The following PLCB4 variants were observed in gnomAD, a reference collection of about 807,000 sequenced individuals.
PLCB4 encodes 1-phosphatidylinositol 4,5-bisphosphate phosphodiesterase beta-4.
In PLCB4, 77 loss-of-function variants were observed where a neutral mutation model predicts 178.8. The observed-to-expected ratio is 0.43, with a 90% confidence interval of 0.36 to 0.52. The LOEUF is 0.52. Ranked by LOEUF, PLCB4 falls within the 20% of genes least tolerant of loss-of-function variation. The pLI is 0.00. For synonymous variants in PLCB4, 496 were observed against 490.8 expected (o/e 1.01, Z -0.14); for missense variants, 1,024 against 1,453.4 (o/e 0.70, Z 4.80).
chr20:9,339,349 A>C (rs1263933239), intron 7 of PLCB4, among the ~76,000 whole-genome samples: 1 of 152,070 alleles, frequency 6.6e-6, no homozygotes, highest in Admixed American at 6.6e-5. Flanking sequence ...AATAGGTCTG[A>C]GGTGGGGACA....
intron 3 of PLCB4, among the ~76,000 whole-genome samples, chr20:9,266,671 C>T (rs2094352608): frequency 6.6e-6 from 1 of 152,030 alleles, no homozygotes. Flanking sequence ...AGTCTGACTC[C>T]CTATAGTACT....
chr20:9,295,738 C>T (rs370669086), intron 3 of PLCB4, among the ~76,000 whole-genome samples: 23 of 152,156 alleles, frequency 1.5e-4, no homozygotes, highest in South Asian at 1.2e-3. Context: ...TGTAGATATG[C>T]GGCATTATTT....
At chr20:9,268,471 A>T (rs1220108359) in intron 3 of PLCB4, among the ~76,000 whole-genome samples, 1 of 152,204 alleles carries the variant, frequency 6.6e-6, no homozygotes, top group African/African-American at 2.4e-5. Flanking sequence ...TTGATTGCTT[A>T]TATCTGGGTA....
intron 18 of PLCB4, among the ~76,000 whole-genome samples, chr20:9,395,229 A>G (rs1421034945): frequency 6.6e-6 from 1 of 152,182 alleles, no homozygotes; most frequent in African/African-American, 2.4e-5. Flanking sequence ...ATCCTTCACG[A>G]GGACTGAACC....
chr20:9,433,376 G>A (rs548646399), intron 28 of PLCB4, among the ~76,000 whole-genome samples: 1 of 152,278 alleles, frequency 6.6e-6, no homozygotes, highest in East Asian at 1.9e-4. Flanking sequence ...CTTGATTCAA[G>A]CAATGTAACT....
chr20:9,173,428 G>A (rs1463642158), intron 2 of PLCB4, among the ~76,000 whole-genome samples: 1 of 152,176 alleles, frequency 6.6e-6, no homozygotes, highest in Non-Finnish European at 1.5e-5. Context: ...AGCATCCCAA[G>A]ACATCTGAAT....
rs536576032 is a variant in PLCB4 at position 9,289,801 on chromosome 20, C to T, written c.-15-17999C>T. Among the ~76,000 whole-genome samples the T allele has an allele frequency of 2.0e-5, 3 of 152,166 alleles. No homozygotes were observed. The East Asian group carries it at 5.8e-4, about 29-fold the overall frequency. ...TCTACCATATTTGAGGGATTCTAAG[C>T]TTTCTGAGCTTTACTTTCCACATTT... is the stretch of plus-strand genomic sequence containing the variant. On this transcript the variant is annotated intron_variant, in intron 3 of 39. Coordinates refer to ENST00000378473, the MANE Select transcript of PLCB4 (RefSeq NM_001377142.1).
chr20:9,456,493 G>A (rs561731539), intron 33 of PLCB4, among the ~76,000 whole-genome samples: 25 of 152,306 alleles, frequency 1.6e-4, no homozygotes, highest in Admixed American at 8.5e-4. Flanking sequence ...CTAGAAAGGG[G>A]AAAATAAAAT....
intron 2 of PLCB4, among the ~76,000 whole-genome samples, chr20:9,101,408 A>G (rs893047365): frequency 3.9e-5 from 6 of 152,152 alleles, no homozygotes; most frequent in Non-Finnish European, 8.8e-5. Context: ...CTATTCAGGA[A>G]TCCACATGTT....
chr20:9,302,746 G>C (rs2094720573), intron 3 of PLCB4, among the ~76,000 whole-genome samples: 1 of 152,120 alleles, frequency 6.6e-6, no homozygotes, highest in Admixed American at 6.6e-5. Context: ...GAATATTTTA[G>C]TAGTTAAGAA....
At chr20:9,144,702 AGGG>A (rs2092560822) in intron 2 of PLCB4, among the ~76,000 whole-genome samples, 1 of 33,846 alleles carries the variant, frequency 3.0e-5, no homozygotes, top group Non-Finnish European at 5.6e-5. Context: ...GAGGGGAAGG[AGGG>A]GAAGAAGGGG....
chr20:9,473,361 A>G lies in PLCB4; in HGVS notation c.3491A>G (p.Glu1164Gly), dbSNP rs1238579979. Residue 1164 changes from glutamate to glycine, a missense_variant, in exon 38 of 40, where the codon GAG becomes GGG. Physicochemically the swap from Glu to Gly is moderately conservative, Grantham distance 98. Around this residue, in one of 7 missense-constraint regions of PLCB4, gnomAD observed 264 missense variants for 283.2 expected, o/e 0.93. Transcript: ENST00000378473. ...CTAGAATTCCTAGAGAAACAGAATG[A>G]GCAGGTATTTTACCTAAAATACGTA... is the stretch of plus-strand genomic sequence containing the variant. The part of the protein sequence containing the change: ...EHLEFLEKQN[E>G]QLLKSCHAVS... The G allele has an allele frequency of 3.2e-6, 5 of 1,577,628 alleles. No individual in the cohort carries two copies. Among genetic ancestry groups the G allele is most frequent in the Non-Finnish European group, 4.3e-6 (5 of 1,152,980 alleles).
chr20:9,342,376 A>C (rs972868697), intron 7 of PLCB4, among the ~76,000 whole-genome samples: 1 of 152,160 alleles, frequency 6.6e-6, no homozygotes, highest in Non-Finnish European at 1.5e-5. Context: ...GAGTGGTTCT[A>C]CTCAAACGTG....
intron 3 of PLCB4, among the ~76,000 whole-genome samples, chr20:9,250,353 A>G (rs2094167221): frequency 6.6e-6 from 1 of 152,242 alleles, no homozygotes; most frequent in African/African-American, 2.4e-5. Context: ...GCTTTACAGC[A>G]TTAAAACACT....
chr20:9,382,457 C>G lies in PLCB4; in HGVS notation c.854-1744C>G, dbSNP rs2037223524. Among the ~76,000 whole-genome samples the G allele has an allele frequency of 1.3e-5, 2 of 152,216 alleles. 1 individual carries two copies. The highest frequency in any genetic ancestry group is 4.1e-4 in the South Asian group (2 of 4,836). ...TAAAATCTAAAATACTTAGTGAGGA[C>G]TAAAGCCCAAGTGATGTAGCCTTTG... On this transcript the variant is annotated intron_variant, in intron 13 of 39. Transcript: ENST00000378473.
chr20:9,199,433 G>A (rs558623114), intron 2 of PLCB4, among the ~76,000 whole-genome samples: 10 of 152,294 alleles, frequency 6.6e-5, no homozygotes, highest in South Asian at 4.1e-4. Flanking sequence ...AGGACGGTAC[G>A]TTGAGTATTT....
chr20:9,367,177 A>G (rs1189743177), intron 9 of PLCB4, among the ~76,000 whole-genome samples: 1 of 152,232 alleles, frequency 6.6e-6, no homozygotes, highest in Non-Finnish European at 1.5e-5. Flanking sequence ...TCAATCTTGT[A>G]TATTAAACAA....
At position 9,468,820 on chromosome 20, in the gene PLCB4, G is replaced by A. The variant is rs78595905; in HGVS notation, c.3350+148G>A. On this transcript the variant is annotated intron_variant, in intron 36 of 39. Transcript: ENST00000378473. ...GAATTCTGCTATTATAACTGCAATG[G>A]AGATTTGTTATTATCACTGTAGAAC... The A allele has an allele frequency of 1.4e-3, 750 of 550,280 alleles. 6 individuals are homozygous for A. The highest frequency in any genetic ancestry group is 0.012 in the African/African-American group (666 of 53,366). The allele number at this position is 550,280 out of a possible 1,614,324, so 34.1% of individuals were successfully genotyped here.
At chr20:9,336,967 G>A (rs531589429) in intron 4 of PLCB4, among the ~76,000 whole-genome samples, 159 bp from the exon 5 acceptor site, 1 of 152,222 alleles carries the variant, frequency 6.6e-6, no homozygotes, top group African/African-American at 2.4e-5. Context: ...TGAAAGCAAA[G>A]AGTTTTCAAA....
Sources: gnomAD v4.1 joint callset for allele counts (sites outside exome capture counted in the v4.1 genomes callset) on GRCh38, gnomAD v4.1.1 for gene constraint, gnomAD v4.1.1 regional missense constraint, MANE v1.5 for transcripts, NCBI Gene and HGNC (gene_info 2026-07-23, HGNC 2026-07-21) for gene names.